Variants in ARHGAP15 observed in about 807,000 individuals in gnomAD.
ARHGAP15 encodes the protein rho GTPase-activating protein 15.
In ARHGAP15, 51 loss-of-function variants were observed where a neutral mutation model predicts 63.7. The observed-to-expected ratio is 0.80, with a 90% confidence interval of 0.64 to 1.01. ARHGAP15 has a LOEUF of 1.01. Among genes scored for constraint, ARHGAP15 ranks in the 50% least tolerant of loss-of-function variants. The pLI is 0.00. For missense variants in ARHGAP15, 560 were observed against 564.6 expected, an observed-to-expected ratio of 0.99 and a Z score of 0.08; for synonymous variants, 191 against 193.8, an observed-to-expected ratio of 0.99 and a Z score of 0.12.
At chr2:143,291,164 G>A (rs1682379186) in intron 6 of ARHGAP15, among the ~76,000 whole-genome samples, 1 of 152,084 alleles carries the variant, frequency 6.6e-6, no homozygotes, top group South Asian at 2.1e-4. Flanking sequence ...ATTTAACCCT[G>A]GTTTGATAAT....
intron 6 of ARHGAP15, chr2:143,351,117 C>T (rs1685550810): frequency 6.6e-6 from 1 of 151,856 alleles, no homozygotes; most frequent in Non-Finnish European, 1.5e-5. Context: ...GAATGGATGC[C>T]GTATGCACAA....
intron 13 of ARHGAP15, among the ~76,000 whole-genome samples, chr2:143,756,892 T>TC (rs760182007): frequency 3.9e-5 from 6 of 151,940 alleles, no homozygotes; most frequent in Non-Finnish European, 7.4e-5. Flanking sequence ...CTCACTTTTT[T>TC]CCCAAGTCTT....
chr2:143,341,300 G>C (rs1006125799), intron 6 of ARHGAP15, among the ~76,000 whole-genome samples: 1 of 151,992 alleles, frequency 6.6e-6, no homozygotes, highest in Non-Finnish European at 1.5e-5. Flanking sequence ...TTAAGACACT[G>C]TCATATTTGA....
chr2:143,394,979 C>T (rs1687696920), intron 6 of ARHGAP15, among the ~76,000 whole-genome samples: 2 of 152,134 alleles, frequency 1.3e-5, no homozygotes, highest in Admixed American at 6.6e-5. Context: ...GTGAAGAAGG[C>T]AAGGAGCAAG....
At chr2:143,178,867 A>G (rs1691113209) in intron 2 of ARHGAP15, among the ~76,000 whole-genome samples, 1 of 152,250 alleles carries the variant, frequency 6.6e-6, no homozygotes, top group Non-Finnish European at 1.5e-5. Context: ...TAATATAGAA[A>G]TGCAATATAG....
intron 6 of ARHGAP15, among the ~76,000 whole-genome samples, chr2:143,269,683 G>A (rs1170835222): frequency 6.6e-6 from 1 of 151,188 alleles, no homozygotes; most frequent in African/African-American, 2.4e-5. Context: ...AAATGTGTTA[G>A]TTTTTTTTTA....
chr2:143,613,371 T>C (rs1698333178), intron 11 of ARHGAP15, among the ~76,000 whole-genome samples: 1 of 152,202 alleles, frequency 6.6e-6, no homozygotes, highest in Non-Finnish European at 1.5e-5. Flanking sequence ...GCAAATCCCA[T>C]GGTTGATGAT....
At chr2:143,194,949 GA>G (rs1691831567) in intron 2 of ARHGAP15, among the ~76,000 whole-genome samples, 1 of 152,120 alleles carries the variant, frequency 6.6e-6, no homozygotes, top group South Asian at 2.1e-4. Flanking sequence ...GGCTATCTGG[GA>G]TATAGGAAAA....
At chr2:143,519,482 T>G (rs956539524) in intron 10 of ARHGAP15, 118 bp downstream of exon 10, 2 of 708,262 alleles carry the variant, frequency 2.8e-6, no homozygotes, top group Non-Finnish European at 4.8e-6. Flanking sequence ...ACTTGACTTG[T>G]GTTAATCGGT....
chr2:143,689,512 A>G (rs1289216607), intron 12 of ARHGAP15, among the ~76,000 whole-genome samples: 2 of 152,214 alleles, frequency 1.3e-5, no homozygotes, highest in African/African-American at 4.8e-5. Flanking sequence ...GTAGAAATGT[A>G]TGCAACATTC....
chr2:143,725,181 G>A (rs1048791035), intron 13 of ARHGAP15, among the ~76,000 whole-genome samples: 1 of 152,196 alleles, frequency 6.6e-6, no homozygotes, highest in Non-Finnish European at 1.5e-5. Context: ...AGTAAAAGAA[G>A]TTTTATTGGG....
At chr2:143,380,541 T>C (rs1687017362) in intron 6 of ARHGAP15, among the ~76,000 whole-genome samples, 1 of 152,140 alleles carries the variant, frequency 6.6e-6, no homozygotes, top group Non-Finnish European at 1.5e-5. Context: ...ATTTTCTCCA[T>C]TTGATGAGAA....
At chr2:143,425,284 T>C in intron 6 of ARHGAP15, among the ~76,000 whole-genome samples, 1 of 152,170 alleles carries the variant, frequency 6.6e-6, no homozygotes, top group East Asian at 1.9e-4. Flanking sequence ...GAGTCACAGG[T>C]GGTTTATTTT....
chr2:143,343,044 T>C (rs1157067246), intron 6 of ARHGAP15, among the ~76,000 whole-genome samples: 2 of 152,106 alleles, frequency 1.3e-5, no homozygotes. Flanking sequence ...TTCAGTGATA[T>C]GTTCTCAGTT....
At chr2:143,309,107 C>T (rs554920588) in intron 6 of ARHGAP15, among the ~76,000 whole-genome samples, 12 of 151,860 alleles carry the variant, frequency 7.9e-5, no homozygotes, top group East Asian at 3.9e-4. Context: ...AAAATTAGAG[C>T]GTAATAAAAG....
intron 9 of ARHGAP15, among the ~76,000 whole-genome samples, chr2:143,503,301 G>T (rs1315127669): frequency 1.3e-5 from 2 of 152,138 alleles, no homozygotes; most frequent in Admixed American, 6.5e-5. Flanking sequence ...GTGTATAATG[G>T]GAAGTCATAA....
intron 5 of ARHGAP15, among the ~76,000 whole-genome samples, chr2:143,235,734 G>A (rs529444576): frequency 6.6e-6 from 1 of 152,166 alleles, no homozygotes; most frequent in Non-Finnish European, 1.5e-5. Context: ...TTCCTCAAAA[G>A]CACCCACACT....
intron 12 of ARHGAP15, among the ~76,000 whole-genome samples, chr2:143,673,626 T>C (rs1029538829): frequency 4.7e-5 from 7 of 149,956 alleles, no homozygotes; most frequent in Admixed American, 1.3e-4. Context: ...AAAATATAAA[T>C]TGGATTTTAC....
chr2:143,136,539 T>C (rs963500874), intron 1 of ARHGAP15, among the ~76,000 whole-genome samples: 2 of 151,858 alleles, frequency 1.3e-5, no homozygotes, highest in African/African-American at 4.9e-5. Flanking sequence ...GAGGTGGCAA[T>C]GTTTACAACC....
Sources: gnomAD v4.1 joint callset for allele counts (sites outside exome capture counted in the v4.1 genomes callset) on GRCh38, gnomAD v4.1.1 for gene constraint, MANE v1.5 for transcripts, NCBI Gene and HGNC (gene_info 2026-07-23, HGNC 2026-07-21) for gene names.